Variants in HTR4 observed in about 807,000 individuals in gnomAD.
HTR4 encodes 5-hydroxytryptamine (serotonin) receptor 4, G protein-coupled.
HTR4 carries 16 observed loss-of-function variants against 36.8 expected under a neutral mutation model. The observed-to-expected ratio is 0.43, with a 90% CI of 0.29 to 0.66. HTR4 has a LOEUF of 0.66. Ranked by LOEUF, HTR4 falls within the 30% of genes least tolerant of loss-of-function variation. HTR4 has a pLI of 0.13. For synonymous variants in HTR4, 189 were observed against 185.1 expected (o/e 1.02, Z -0.17); for missense variants, 438 against 490.9 (o/e 0.89, Z 1.02).
At chr5:148,550,489 A>G (rs1231832409) in intron 2 of HTR4, among the ~76,000 whole-genome samples, 1 of 152,216 alleles carries the variant, frequency 6.6e-6, no homozygotes, top group Non-Finnish European at 1.5e-5. Flanking sequence ...CTGAATTAAC[A>G]GGTTATTTTC....
intron 1 of HTR4, among the ~76,000 whole-genome samples, chr5:148,639,038 C>T (rs1168627148): frequency 6.6e-6 from 1 of 151,830 alleles, no homozygotes; most frequent in African/African-American, 2.4e-5. Context: ...CAAAGTGAGA[C>T]CCTGTCTCAA....
In HTR4 at chr5:148,481,561, A is replaced by G; in HGVS notation, c.*1642T>C. 1.3e-6 allele frequency: 2 copies of G among 1,523,358 alleles called. No individual in the cohort carries two copies. 94.4% of individuals were successfully genotyped at this position (1,523,358 alleles called of 1,614,324 possible). A position where few individuals can be genotyped will look rare whatever the true frequency, so the allele number is the denominator to read the frequency against. On this transcript the variant is annotated 3_prime_UTR_variant, in exon 7 of 7. Coordinates refer to ENST00000377888, the MANE Select transcript of HTR4 (RefSeq NM_000870.7). ...TTTTTTTTTTCTTTTTCTTTTTGGCATTTGGATGGTTTGGTCAATCTTCTC... is the reference window on the plus strand; with the variant it reads ...TTTTTTTTTTCTTTTTCTTTTTGGCGTTTGGATGGTTTGGTCAATCTTCTC...
At chr5:148,496,116 G>T (rs1052604372) in intron 6 of HTR4, among the ~76,000 whole-genome samples, 6 of 152,090 alleles carry the variant, frequency 3.9e-5, no homozygotes, top group African/African-American at 1.4e-4. Flanking sequence ...AATTTTATAA[G>T]AACCTAATAA....
chr5:148,589,907 T>G (rs191833716), intron 2 of HTR4, among the ~76,000 whole-genome samples: 2 of 152,162 alleles, frequency 1.3e-5, no homozygotes, highest in Admixed American at 6.5e-5. Flanking sequence ...CCACTATTAT[T>G]AATCGTAGTC....
intron 4 of HTR4, among the ~76,000 whole-genome samples, chr5:148,546,172 G>A (rs917338625): frequency 2.0e-5 from 3 of 152,158 alleles, no homozygotes; most frequent in African/African-American, 7.2e-5. Context: ...CAAGTTTGAT[G>A]AGAAAGATCA....
At chr5:148,526,648 G>A (rs1186318407) in intron 4 of HTR4, among the ~76,000 whole-genome samples, 2 of 152,076 alleles carry the variant, frequency 1.3e-5, no homozygotes, top group Non-Finnish European at 2.9e-5. Flanking sequence ...GGATAAATGA[G>A]TATAGAAAAT....
At chr5:148,653,090 G>T (rs926998310) in intron 1 of HTR4, among the ~76,000 whole-genome samples, 32 of 152,062 alleles carry the variant, frequency 2.1e-4, no homozygotes, top group African/African-American at 5.6e-4. Context: ...CAGGGACAGG[G>T]TAAATATCCA....
chr5:148,616,576 T>C (rs962881761), intron 2 of HTR4, among the ~76,000 whole-genome samples: 1 of 152,242 alleles, frequency 6.6e-6, no homozygotes, highest in Non-Finnish European at 1.5e-5. Flanking sequence ...CTCTAAGAAG[T>C]CTGCTTTATT....
At chr5:148,499,863 G>T (rs1385783134) in intron 6 of HTR4, among the ~76,000 whole-genome samples, 2 of 152,110 alleles carry the variant, frequency 1.3e-5, no homozygotes, top group African/African-American at 4.8e-5. Context: ...AAAGAGTCTA[G>T]CATCTCCCTC....
intron 6 of HTR4, chr5:148,490,853 A>G: frequency 2.0e-6 from 1 of 509,370 alleles, no homozygotes; most frequent in Non-Finnish European, 3.6e-6. Context: ...AGCCCTTTAA[A>G]TATATAAAAA....
Position 148,483,141 on chromosome 5 carries a change from C to G in HTR4, c.*62G>C. Reference sequence around the variant, plus strand: ...ACCGGGTGCAGTCGCGCACAAGCAGCAGCTTAGGACCTGGCCCTCTTTCGG... The same window carrying G: ...ACCGGGTGCAGTCGCGCACAAGCAGGAGCTTAGGACCTGGCCCTCTTTCGG... On this transcript the variant is annotated 3_prime_UTR_variant, in exon 7 of 7. Transcript: ENST00000377888. 2 of 1,609,954 alleles carry G rather than the reference C, an allele frequency of 1.2e-6. No homozygotes were observed. The highest frequency in any genetic ancestry group is 1.7e-6 in the Non-Finnish European group (2 of 1,177,420).
intron 2 of HTR4, among the ~76,000 whole-genome samples, chr5:148,635,140 T>C (rs1753485947): frequency 6.6e-6 from 1 of 152,172 alleles, no homozygotes; most frequent in Admixed American, 6.6e-5. Context: ...TGGCAAAATA[T>C]TATTACTCAT....
At position 148,580,105 on chromosome 5, in the gene HTR4, C is replaced by T. The variant is rs1037132188; in HGVS notation, c.27-29843G>A. ...TGCCACTCACAACAAGACATATTGGCTTTGCAATCCTCAGCTATAAAATGG... is the reference window on the plus strand; with the variant it reads ...TGCCACTCACAACAAGACATATTGGTTTTGCAATCCTCAGCTATAAAATGG... On this transcript the variant is annotated intron_variant, in intron 2 of 6. Transcript: ENST00000377888. Among the ~76,000 whole-genome samples the T allele has an allele frequency of 3.2e-4, 49 of 152,132 alleles. No homozygotes were observed. The Middle Eastern group carries it at 0.014, about 42-fold the overall frequency.
intron 6 of HTR4, among the ~76,000 whole-genome samples, chr5:148,505,551 G>T (rs906989220): frequency 6.6e-6 from 1 of 152,022 alleles, no homozygotes; most frequent in African/African-American, 2.4e-5. Context: ...AGAAATAAAG[G>T]GTATTCAATT....
intron 1 of HTR4, among the ~76,000 whole-genome samples, chr5:148,648,790 T>A (rs1230212427): frequency 6.6e-6 from 1 of 152,044 alleles, no homozygotes; most frequent in African/African-American, 2.4e-5. Context: ...TTCTTGAGAG[T>A]CTGAACTAAG....
intron 2 of HTR4, among the ~76,000 whole-genome samples, chr5:148,615,586 C>G (rs886923067): frequency 6.7e-6 from 1 of 148,916 alleles, no homozygotes; most frequent in Non-Finnish European, 1.5e-5. Flanking sequence ...TGCTAGATGA[C>G]GAGTTAGTGG....
At position 148,654,279 on chromosome 5, in the gene HTR4, G is replaced by A. The variant is rs1036079366; in HGVS notation, c.-265C>T. 4 of 985,096 alleles carry A rather than the reference G, an allele frequency of 4.1e-6. No individual in the cohort carries two copies. The African/African-American group carries it at 7.0e-5, about 17-fold the overall frequency. 61.0% of individuals were successfully genotyped at this position (985,096 alleles called of 1,614,324 possible). ...GCTGCGGGCGCAGGACCCCAGCCCCGGATCACCTGGGCTCGCCGCGCATCG... is the reference window on the plus strand; with the variant it reads ...GCTGCGGGCGCAGGACCCCAGCCCCAGATCACCTGGGCTCGCCGCGCATCG... On this transcript the variant is annotated 5_prime_UTR_variant, in exon 1 of 7. Transcript: ENST00000377888.
intron 6 of HTR4, among the ~76,000 whole-genome samples, chr5:148,493,787 G>C (rs1331180915): frequency 6.6e-6 from 1 of 152,130 alleles, no homozygotes; most frequent in Admixed American, 6.5e-5. Context: ...AAATTATGTA[G>C]TCTGCCCTGG....
In HTR4 at chr5:148,654,245, G is replaced by T; in HGVS notation, c.-231C>A. The T allele has an allele frequency of 1.0e-6, 1 of 985,122 alleles. No individual in the cohort carries two copies. Among genetic ancestry groups the T allele is most frequent in the Non-Finnish European group, 1.2e-6 (1 of 829,830 alleles). The allele number at this position is 985,122 out of a possible 1,614,324, so 61.0% of individuals were successfully genotyped here. ...TGGGGAGCCGGCGAGCGTGAGGCGC[G>T]GGCCAGGGGCTGCGGGCGCAGGACC... On this transcript the variant is annotated 5_prime_UTR_variant, in exon 1 of 7. Coordinates refer to ENST00000377888, the MANE Select transcript of HTR4 (RefSeq NM_000870.7).
Sources: allele counts gnomAD v4.1 joint callset (sites outside exome capture counted in the v4.1 genomes callset), GRCh38; gene constraint gnomAD v4.1.1; transcripts MANE v1.5; gene names NCBI Gene and HGNC (gene_info 2026-07-23, HGNC 2026-07-21).